The following GRID1 variants were observed in gnomAD, a reference collection of about 807,000 sequenced individuals.
GRID1 encodes the protein glutamate receptor ionotropic, delta-1.
A neutral mutation model predicts 98.0 loss-of-function variants in GRID1; 28 were observed. The ratio of observed to expected loss-of-function variants is 0.29; its 90% CI spans 0.21 to 0.39. GRID1 has a LOEUF of 0.39. Among genes scored for constraint, GRID1 ranks in the 10% least tolerant of loss-of-function variants. The pLI, the probability that GRID1 is intolerant of heterozygous loss-of-function variation, is 1.00. For missense variants in GRID1, 1,111 were observed against 1,340.5 expected, an observed-to-expected ratio of 0.83 and a Z score of 2.67; for synonymous variants, 553 against 538.5, an observed-to-expected ratio of 1.03 and a Z score of -0.37.
chr10:85,659,853 C>T (rs1301104037), intron 12 of GRID1, among the ~76,000 whole-genome samples: 1 of 152,186 alleles, frequency 6.6e-6, no homozygotes, highest in Non-Finnish European at 1.5e-5. Flanking sequence ...AGCTATTCTT[C>T]CCACCTTATG....
chr10:86,029,897 T>C (rs1420492764), intron 4 of GRID1, among the ~76,000 whole-genome samples: 1 of 152,226 alleles, frequency 6.6e-6, no homozygotes, highest in Non-Finnish European at 1.5e-5. Flanking sequence ...GGAAATTCTA[T>C]ATCTTGGCAA....
chr10:85,913,781 C>G (rs557519625), intron 5 of GRID1, among the ~76,000 whole-genome samples: 1 of 152,176 alleles, frequency 6.6e-6, no homozygotes, highest in East Asian at 1.9e-4. Context: ...CAGAACAAGA[C>G]TCCAGTCTCA....
chr10:85,852,182 C>T (rs1298699364), intron 8 of GRID1, among the ~76,000 whole-genome samples: 1 of 152,178 alleles, frequency 6.6e-6, no homozygotes, highest in East Asian at 1.9e-4. Flanking sequence ...AGACAGATAA[C>T]AACCAGGATA....
At chr10:86,193,550 AG>A (rs1242002836) in intron 3 of GRID1, among the ~76,000 whole-genome samples, 1 of 151,990 alleles carries the variant, frequency 6.6e-6, no homozygotes, top group Non-Finnish European at 1.5e-5. Context: ...TTCCTGCCAT[AG>A]TACCCAGGGT....
At chr10:86,012,709 G>A (rs1311385696) in intron 4 of GRID1, among the ~76,000 whole-genome samples, 1 of 151,530 alleles carries the variant, frequency 6.6e-6, no homozygotes, top group Non-Finnish European at 1.5e-5. Context: ...TTTTAAAAGA[G>A]GCTCCTGAGA....
intron 12 of GRID1, among the ~76,000 whole-genome samples, chr10:85,717,434 G>A (rs190166082): frequency 7.2e-5 from 11 of 152,234 alleles, no homozygotes; most frequent in Admixed American, 2.0e-4. Flanking sequence ...GAAAATGAGG[G>A]AGAAGCAAAA....
intron 2 of GRID1, among the ~76,000 whole-genome samples, chr10:86,267,577 T>C (rs75979186): frequency 0.014 from 2,161 of 152,310 alleles, 43 homozygotes; most frequent in African/African-American, 0.048. Context: ...CCAGGCTGGA[T>C]AGATGCATGC....
At chr10:86,046,861 CAAAA>C (rs199526669) in intron 4 of GRID1, among the ~76,000 whole-genome samples, 7 of 107,684 alleles carry the variant, frequency 6.5e-5, no homozygotes, top group Admixed American at 1.9e-4. Context: ...AAGCCCATTT[CAAAA>C]AAAAAAAAAA....
At chr10:85,872,602 C>T (rs929546675) in intron 5 of GRID1, among the ~76,000 whole-genome samples, 6 of 152,222 alleles carry the variant, frequency 3.9e-5, no homozygotes, top group Non-Finnish European at 7.3e-5. Context: ...GGGGCAGCAC[C>T]TGGAGTGAGT....
intron 5 of GRID1, among the ~76,000 whole-genome samples, chr10:85,893,361 T>G (rs1390520697): frequency 6.6e-6 from 1 of 152,120 alleles, no homozygotes. Context: ...TACTCAACAT[T>G]GTGCTGGAGG....
chr10:86,004,918 C>T (rs1842843127), intron 4 of GRID1, among the ~76,000 whole-genome samples: 1 of 152,186 alleles, frequency 6.6e-6, no homozygotes, highest in Admixed American at 6.5e-5. Context: ...AAGACATAAA[C>T]TACTGTAACA....
chr10:86,073,219 CGAAT>C (rs1843829272), intron 4 of GRID1, among the ~76,000 whole-genome samples: 1 of 152,202 alleles, frequency 6.6e-6, no homozygotes, highest in South Asian at 2.1e-4. Context: ...TCTAAACAGA[CGAAT>C]CCATACTCAT....
intron 4 of GRID1, among the ~76,000 whole-genome samples, chr10:86,098,035 G>T (rs1312316076): frequency 6.6e-6 from 1 of 152,204 alleles, no homozygotes; most frequent in Non-Finnish European, 1.5e-5. Context: ...GTGGATTTTA[G>T]ATAAAAATAC....
chr10:86,128,619 T>C (rs1281670917), intron 4 of GRID1, among the ~76,000 whole-genome samples: 1 of 152,116 alleles, frequency 6.6e-6, no homozygotes, highest in African/African-American at 2.4e-5. Context: ...TACACACGCC[T>C]GGTAACGGCC....
rs367915080 is a variant in GRID1, at chr10:85,599,919, T to TCACACACACACACACACACACA, written c.*2353_*2354insTGTGTGTGTGTGTGTGTGTGTG. 1.5e-5 allele frequency: 2 copies of TCACACACACACACACACACACA among 131,480 alleles called. No homozygotes were observed. The highest frequency in any genetic ancestry group is 3.1e-5 in the Non-Finnish European group (2 of 63,776). The allele number at this position is 131,480 out of a possible 1,614,324, so 8.1% of individuals were successfully genotyped here. On this transcript the variant is annotated 3_prime_UTR_variant, in exon 16 of 16. Coordinates refer to ENST00000327946, the MANE Select transcript of GRID1 (RefSeq NM_017551.3). ...GTCTCTCTCTCTCTCTCTCTCTCTCTCACACACACACACACACACAAACAC... is the reference window on the plus strand; with the variant it reads ...GTCTCTCTCTCTCTCTCTCTCTCTCTCACACACACACACACACACACACACACACACACACACACACAAACAC...
chr10:85,704,219 A>T (rs1051038598), intron 12 of GRID1, among the ~76,000 whole-genome samples: 1 of 152,126 alleles, frequency 6.6e-6, no homozygotes, highest in Non-Finnish European at 1.5e-5. Flanking sequence ...GTATTCAGGA[A>T]ACCCATCTCA....
chr10:85,955,060 A>G (rs1305063103), intron 4 of GRID1, among the ~76,000 whole-genome samples: 1 of 152,176 alleles, frequency 6.6e-6, no homozygotes, highest in Non-Finnish European at 1.5e-5. Flanking sequence ...ACTCTTCCCA[A>G]TGCTGGGTAG....
intron 4 of GRID1, among the ~76,000 whole-genome samples, chr10:85,917,261 T>C (rs923778558): frequency 8.7e-4 from 133 of 152,282 alleles, no homozygotes; most frequent in Non-Finnish European, 1.6e-3. Flanking sequence ...GGAGTCCTGT[T>C]TTTTTGTTTG....
intron 2 of GRID1, among the ~76,000 whole-genome samples, chr10:86,341,809 C>A (rs1848315273): frequency 6.6e-6 from 1 of 152,198 alleles, no homozygotes; most frequent in African/African-American, 2.4e-5. Context: ...AATGGGGTTT[C>A]CAGGCTCAAG....
Sources: gnomAD v4.1 joint callset for allele counts (sites outside exome capture counted in the v4.1 genomes callset) on GRCh38, gnomAD v4.1.1 for gene constraint, MANE v1.5 for transcripts, NCBI Gene and HGNC (gene_info 2026-07-23, HGNC 2026-07-21) for gene names.